The following DNMT3L variants were observed in gnomAD, a reference collection of about 807,000 sequenced individuals.
DNMT3L encodes the protein DNA (cytosine-5)-methyltransferase 3-like.
Under a neutral mutation model 36.2 loss-of-function variants are expected in DNMT3L, and 33 were observed. The observed-to-expected ratio is 0.91, with a 90% CI of 0.69 to 1.22. DNMT3L has a LOEUF of 1.22. DNMT3L is among the 50% of genes most tolerant of loss of function. The pLI is 0.00. For missense variants in DNMT3L, 310 were observed against 303.1 expected (o/e 1.02, Z -0.17); for synonymous variants, 117 against 121.7 (o/e 0.96, Z 0.26).
In DNMT3L at chr21:44,258,706, C is replaced by G; in HGVS notation, c.345-12G>C. The G allele has an allele frequency of 6.2e-7, 1 of 1,609,606 alleles. No homozygotes were observed. Among genetic ancestry groups the G allele is most frequent in the Non-Finnish European group, 8.5e-7 (1 of 1,177,788 alleles). On this transcript the variant is annotated splice_polypyrimidine_tract_variant and intron_variant, in intron 5 of 11. Transcript: ENST00000628202. This position sits in a 1 kb window ranked among gnomAD's most constrained non-coding sequence, Gnocchi z 6.2. ...CGAAGCAGTAGCATCTAAGGCCAGA[C>G]AGAAAACCACAGCAGCGGACATGAC...
intron 6 of DNMT3L, among the ~76,000 whole-genome samples, chr21:44,257,409 C>T (rs1289574151): frequency 6.6e-6 from 1 of 151,388 alleles, no homozygotes; most frequent in Admixed American, 6.6e-5. Context: ...AAGGCCGGTG[C>T]GGTGGCTCAC....
rs192221123 is a variant in DNMT3L, at chr21:44,258,430, G to A, written c.516+93C>T. 228 of 1,439,830 alleles carry A rather than the reference G, an allele frequency of 1.6e-4. No individual in the cohort carries two copies. Among genetic ancestry groups the A allele is most frequent in the African/African-American group, 8.7e-4 (61 of 69,774 alleles). 89.2% of individuals were successfully genotyped at this position (1,439,830 alleles called of 1,614,324 possible). On this transcript the variant is annotated intron_variant, in intron 6 of 11. Coordinates refer to ENST00000628202, the MANE Select transcript of DNMT3L (RefSeq NM_175867.3). This position sits in a 1 kb window ranked among gnomAD's most constrained non-coding sequence, Gnocchi z 6.2. ...TCCCGAGGCTGCAGCCGTGGTGCCC[G>A]TCGGCGCGCCTGCATTCTGCAGCGG...
rs114438986 is a variant in DNMT3L at position 44,256,262 on chromosome 21, C to T, written c.517-108G>A. The T allele has an allele frequency of 1.3e-3, 1,434 of 1,132,802 alleles. 15 individuals are homozygous for T. The African/African-American group carries it at 0.02, about 15-fold the overall frequency. 70.2% of individuals were successfully genotyped at this position (1,132,802 alleles called of 1,614,324 possible). ...GGATGAACACTCACTCGAGACTCACCGGAGACACACATAAGACACACCTGC... is the reference window on the plus strand; with the variant it reads ...GGATGAACACTCACTCGAGACTCACTGGAGACACACATAAGACACACCTGC... On this transcript the variant is annotated intron_variant, in intron 6 of 11. Coordinates refer to ENST00000628202, the MANE Select transcript of DNMT3L (RefSeq NM_175867.3).
At position 44,258,360 on chromosome 21, in the gene DNMT3L, G is replaced by A. The variant is rs1259016356; in HGVS notation, c.516+163C>T. Among the ~76,000 whole-genome samples the A allele has an allele frequency of 2.0e-5, 3 of 152,224 alleles. No individual in the cohort carries two copies. Among genetic ancestry groups the A allele is most frequent in the African/African-American group, 7.2e-5 (3 of 41,466 alleles). ...AAGCAGTTTACCCAAAGCCACCATC[G>A]AGTGGAAGCCACTATCGGAGAGGAA... is the stretch of plus-strand genomic sequence containing the variant. On this transcript the variant is annotated intron_variant, in intron 6 of 11. Transcript: ENST00000628202. This position sits in a 1 kb window ranked among gnomAD's most constrained non-coding sequence, Gnocchi z 6.2.
chr21:44,257,560 A>G (rs2040270140), intron 6 of DNMT3L, among the ~76,000 whole-genome samples: 1 of 149,560 alleles, frequency 6.7e-6, no homozygotes, highest in Admixed American at 6.6e-5. Flanking sequence ...GGGCGCCTGT[A>G]GTCCCAGCTA....
In DNMT3L at chr21:44,258,556, G is replaced by A; in HGVS notation, c.483C>T (p.Arg161=). ...SGLLQRRRKW[R]SQLKAFYDRE... Reference sequence around the variant, plus strand: ...GGTCGTAGAAGGCCTTGAGCTGGCTGCGCCACTTCCTCCGACGCTGCAGCA... The same window carrying A: ...GGTCGTAGAAGGCCTTGAGCTGGCTACGCCACTTCCTCCGACGCTGCAGCA... The change falls in exon 6 of 12, where the codon CGC becomes CGT. Residue 161 remains arginine (R), a synonymous_variant. Coordinates refer to ENST00000628202, the MANE Select transcript of DNMT3L (RefSeq NM_175867.3). This position sits in a 1 kb window ranked among gnomAD's most constrained non-coding sequence, Gnocchi z 6.2. 1 of 1,596,004 alleles carries A rather than the reference G, an allele frequency of 6.3e-7. No individual in the cohort carries two copies. Among genetic ancestry groups the A allele is most frequent in the Non-Finnish European group, 8.5e-7 (1 of 1,171,834 alleles).
intron 6 of DNMT3L, among the ~76,000 whole-genome samples, chr21:44,257,694 A>AT (rs1693262476): frequency 1.8e-5 from 1 of 55,254 alleles, no homozygotes; most frequent in African/African-American, 1.0e-4. Context: ...AAAAAAAAAA[A>AT]AATAAATAAA....
chr21:44,255,616 G>A (rs1021999044), intron 7 of DNMT3L, among the ~76,000 whole-genome samples: 2 of 152,182 alleles, frequency 1.3e-5, no homozygotes, highest in African/African-American at 4.8e-5. Context: ...CCACTCTGCA[G>A]CTGGTGTGAG....
rs1441746166 is a variant in DNMT3L, at chr21:44,258,417, A to G, written c.516+106T>C. The G allele has an allele frequency of 7.1e-7, 1 of 1,413,350 alleles. No individual in the cohort carries two copies. The highest frequency in any genetic ancestry group is 2.6e-5 in the East Asian group (1 of 38,560). 87.6% of individuals were successfully genotyped at this position (1,413,350 alleles called of 1,614,324 possible). On this transcript the variant is annotated intron_variant, in intron 6 of 11. Transcript: ENST00000628202. The surrounding 1 kb of genome is among the most constrained non-coding windows in gnomAD (Gnocchi z 6.2). ...AAAGAGTGTTTGCTCCCGAGGCTGC[A>G]GCCGTGGTGCCCGTCGGCGCGCCTG...
chr21:44,258,829 G>A lies in DNMT3L; in HGVS notation c.345-135C>T, dbSNP rs1257477630. 7.2e-6 allele frequency: 9 copies of A among 1,254,990 alleles called. No homozygotes were observed. Among genetic ancestry groups the A allele is most frequent in the Admixed American group, 2.8e-5 (1 of 35,950 alleles). 77.7% of individuals were successfully genotyped at this position (1,254,990 alleles called of 1,614,324 possible). Reference sequence around the variant, plus strand: ...GCTCCCTTTGGGAAGACCAGGTGGTGGACTGGGAAGAGGGAGACGGTCCTT... The same window carrying A: ...GCTCCCTTTGGGAAGACCAGGTGGTAGACTGGGAAGAGGGAGACGGTCCTT... On this transcript the variant is annotated intron_variant, in intron 5 of 11. Coordinates refer to ENST00000628202, the MANE Select transcript of DNMT3L (RefSeq NM_175867.3). This position sits in a 1 kb window ranked among gnomAD's most constrained non-coding sequence, Gnocchi z 6.2.
At chr21:44,253,992 G>A (rs1016404619) in intron 8 of DNMT3L, among the ~76,000 whole-genome samples, 3 of 152,222 alleles carry the variant, frequency 2.0e-5, no homozygotes, top group Non-Finnish European at 4.4e-5. Context: ...TGGGGACAGC[G>A]GAGGTGAGGG....
At chr21:44,257,487 C>T (rs1857812474) in intron 6 of DNMT3L, among the ~76,000 whole-genome samples, 1 of 151,816 alleles carries the variant, frequency 6.6e-6, no homozygotes, top group African/African-American at 2.4e-5. Context: ...CGAGACCATC[C>T]CGGCTAAAAC....
intron 6 of DNMT3L, among the ~76,000 whole-genome samples, chr21:44,257,149 G>A (rs1034396485): frequency 6.6e-6 from 1 of 152,222 alleles, no homozygotes; most frequent in Non-Finnish European, 1.5e-5. Flanking sequence ...GGAGGCTGAG[G>A]CAGGTGGATC....
chr21:44,256,772 G>A (rs1336333438), intron 6 of DNMT3L, among the ~76,000 whole-genome samples: 1 of 152,072 alleles, frequency 6.6e-6, no homozygotes, highest in Admixed American at 6.5e-5. Context: ...GGGCTAGGCG[G>A]GCAGCCAGCT....
chr21:44,253,312 A>G, intron 8 of DNMT3L, among the ~76,000 whole-genome samples: 1 of 124,214 alleles, frequency 8.1e-6, no homozygotes, highest in Non-Finnish European at 1.7e-5. Flanking sequence ...CAGCCACCCA[A>G]CAATCTTGCC....
chr21:44,260,942 G>A (rs1717098059), intron 2 of DNMT3L, 103 bp from the exon 3 acceptor site: 1 of 1,557,240 alleles, frequency 6.4e-7, no homozygotes, highest in Non-Finnish European at 8.8e-7. Flanking sequence ...AAAGTCACAG[G>A]AGCCTGAGGT....
chr21:44,260,459 G>C (rs1309068816), intron 3 of DNMT3L, among the ~76,000 whole-genome samples: 1 of 152,084 alleles, frequency 6.6e-6, no homozygotes, highest in Non-Finnish European at 1.5e-5. Context: ...TGGCACAGTG[G>C]TGTCCACTGC....
chr21:44,260,736 G>A, intron 3 of DNMT3L, 59 bp downstream of exon 3: 1 of 1,607,872 alleles, frequency 6.2e-7, no homozygotes. Flanking sequence ...GGGATTATAG[G>A]TGTGAGCCAC....
chr21:44,260,065 A>G (rs920648189), intron 3 of DNMT3L, among the ~76,000 whole-genome samples: 13 of 151,694 alleles, frequency 8.6e-5, no homozygotes, highest in Non-Finnish European at 1.0e-4. Flanking sequence ...AAAAAAAAAA[A>G]AAAAAAGAAG....
Sources: allele counts gnomAD v4.1 joint callset (sites outside exome capture counted in the v4.1 genomes callset), GRCh38; gene constraint gnomAD v4.1.1; non-coding constraint Gnocchi (gnomAD v3.1); transcripts MANE v1.5; gene names NCBI Gene and HGNC (gene_info 2026-07-23, HGNC 2026-07-21).